Variants in CUTC observed in about 807,000 individuals in gnomAD.
The protein encoded by CUTC is cutC copper transporter.
CUTC carries 27 observed loss-of-function variants against 36.2 expected under a neutral mutation model. The observed-to-expected ratio is 0.75, with a 90% confidence interval of 0.55 to 1.03. The LOEUF is 1.03. Among genes scored for constraint, CUTC ranks in the 50% least tolerant of loss-of-function variants. The probability of loss-of-function intolerance (pLI) is 0.00; values close to 1 mark genes in which losing one functional copy is unlikely to be tolerated. For missense variants in CUTC, 315 were observed against 343.5 expected (o/e 0.92, Z 0.66); for synonymous variants, 114 against 118.3 (o/e 0.96, Z 0.24).
rs1271757648 is a variant in CUTC, at chr10:99,737,028, G to A, written c.133+711G>A. 3.3e-5 allele frequency among the ~76,000 whole-genome samples: 5 copies of A among 152,254 alleles called. No individual in the cohort carries two copies. In the East Asian group the frequency reaches 9.6e-4, roughly 29 times the overall value. On this transcript the variant is annotated intron_variant, in intron 2 of 8. Transcript: ENST00000370476. ...CTTACACCTGTAATCCCAGTAATTG[G>A]AGAGGCTGAGGCTGCCAGATCACTT...
intron 3 of CUTC, among the ~76,000 whole-genome samples, chr10:99,741,200 T>G (rs995082672): frequency 6.6e-6 from 1 of 152,200 alleles, no homozygotes; most frequent in Non-Finnish European, 1.5e-5. Context: ...GGGTCTTGCT[T>G]TTAAGATTTG....
At chr10:99,735,241 T>A (rs2037287258) in intron 1 of CUTC, among the ~76,000 whole-genome samples, 1 of 151,736 alleles carries the variant, frequency 6.6e-6, no homozygotes, top group South Asian at 2.1e-4. Context: ...TCATAACTCA[T>A]GAAGAGTTAA....
chr10:99,740,088 ATTG>A (rs528000461), intron 3 of CUTC, among the ~76,000 whole-genome samples: 46 of 152,248 alleles, frequency 3.0e-4, no homozygotes, highest in African/African-American at 8.7e-4. Context: ...TCTTTGTGCT[ATTG>A]TTGTCATATA....
chr10:99,747,555 C>G (rs1338675374), intron 6 of CUTC, 165 bp downstream of exon 6: 7 of 704,518 alleles, frequency 9.9e-6, no homozygotes, highest in Non-Finnish European at 1.6e-5. Context: ...TTCACACAAG[C>G]CTTTTTAATA....
At chr10:99,740,295 T>C (rs552449994) in intron 3 of CUTC, among the ~76,000 whole-genome samples, 2 of 152,092 alleles carry the variant, frequency 1.3e-5, no homozygotes, top group South Asian at 4.1e-4. Context: ...ATTTTCATTC[T>C]GCCTGAAGTA....
At chr10:99,735,414 A>C (rs768044576) in intron 1 of CUTC, among the ~76,000 whole-genome samples, 1 of 152,046 alleles carries the variant, frequency 6.6e-6, no homozygotes, top group East Asian at 1.9e-4. Flanking sequence ...ATCTGGAAGC[A>C]TAAGAAGGAA....
intron 3 of CUTC, among the ~76,000 whole-genome samples, chr10:99,740,401 A>G (rs1169626399): frequency 4.7e-5 from 7 of 148,170 alleles, no homozygotes; most frequent in Non-Finnish European, 1.0e-4. Context: ...TTTGAAAGGT[A>G]TTTTTGCTGG....
At chr10:99,739,676 T>TA in intron 2 of CUTC, 34 bp from the exon 3 acceptor site, 1 of 1,600,802 alleles carries the variant, frequency 6.2e-7, no homozygotes, top group Non-Finnish European at 8.5e-7. Context: ...GCTTATTTTT[T>TA]AAAAATGTGT....
At chr10:99,738,136 A>G (rs2037311798) in intron 2 of CUTC, among the ~76,000 whole-genome samples, 1 of 149,028 alleles carries the variant, frequency 6.7e-6, no homozygotes, top group Non-Finnish European at 1.5e-5. Context: ...TAAGAGCAAA[A>G]CTCCGTCTCA....
Position 99,755,625 on chromosome 10 carries a change from A to G in CUTC, c.708A>G (p.Arg236=). The change falls in exon 9 of 9, where the codon CGA becomes CGG. Residue 236 remains arginine (R), a splice_region_variant and synonymous_variant. Transcript: ENST00000370476. ...TGTTCCTTTATTATTTCTGTTACAGAAATTCATCTGTTGCCATGGGAGCCT... is the reference window on the plus strand; with the variant it reads ...TGTTCCTTTATTATTTCTGTTACAGGAATTCATCTGTTGCCATGGGAGCCT... The part of the protein sequence containing the change: ...RSTRDSGMKF[R]NSSVAMGASL... 1 of 1,597,676 alleles carries G rather than the reference A, an allele frequency of 6.3e-7. No individual in the cohort carries two copies.
intron 1 of CUTC, among the ~76,000 whole-genome samples, chr10:99,734,930 C>T (rs865783025): frequency 1.3e-5 from 2 of 151,684 alleles, no homozygotes; most frequent in African/African-American, 4.8e-5. Context: ...TGGCGAAACC[C>T]CATCTCTACA....
At chr10:99,737,901 C>G (rs1590117612) in intron 2 of CUTC, among the ~76,000 whole-genome samples, 2 of 152,280 alleles carry the variant, frequency 1.3e-5, no homozygotes, top group Non-Finnish European at 2.9e-5. Context: ...GTAATCCCAG[C>G]ACTTTGGGAG....
Position 99,739,729 on chromosome 10 carries a change from A to G in CUTC, c.153A>G (p.Leu51=), listed in dbSNP as rs773013737. 9 of 1,611,484 alleles carry G rather than the reference A, an allele frequency of 5.6e-6. No homozygotes were observed. Among genetic ancestry groups the G allele is most frequent in the Non-Finnish European group, 6.8e-6 (8 of 1,179,164 alleles). Residue 51 remains leucine (L), a synonymous_variant, in exon 3 of 9, where the codon TTA becomes TTG. Transcript: ENST00000370476. ...AERGGADRIE[L]CSGLSEGGTT... ...TTACAGGTGCTGATCGGATTGAATT[A>G]TGTTCTGGTTTATCAGAGGGGGGAA... is the stretch of plus-strand genomic sequence containing the variant.
chr10:99,733,739 C>T (rs1455847575), intron 1 of CUTC, among the ~76,000 whole-genome samples: 2 of 152,222 alleles, frequency 1.3e-5, no homozygotes, highest in South Asian at 2.1e-4. Context: ...TCTGAAAAGT[C>T]TCAGAGGCTC....
At chr10:99,749,929 A>T (rs113455110) in intron 6 of CUTC, among the ~76,000 whole-genome samples, 25 of 152,222 alleles carry the variant, frequency 1.6e-4, no homozygotes, top group Admixed American at 1.2e-3. Context: ...AGGGAGGAAA[A>T]ACTTTTCTTC....
At chr10:99,736,352 A>C (rs1229655262) in intron 2 of CUTC, 35 bp downstream of exon 2, 1 of 1,511,714 alleles carries the variant, frequency 6.6e-7, no homozygotes, top group Non-Finnish European at 9.2e-7. Flanking sequence ...ACCGTTGGCT[A>C]CCCTTTTAAG....
chr10:99,747,227 CA>C, intron 5 of CUTC, 29 bp from the exon 6 acceptor site: 1 of 1,610,992 alleles, frequency 6.2e-7, no homozygotes. Flanking sequence ...GATACCTGTT[CA>C]AAATTCACAT....
At chr10:99,749,130 G>A (rs1564657572) in intron 6 of CUTC, among the ~76,000 whole-genome samples, 1 of 152,072 alleles carries the variant, frequency 6.6e-6, no homozygotes, top group Non-Finnish European at 1.5e-5. Flanking sequence ...TAATCTATTG[G>A]TTAGTAGGAA....
At chr10:99,751,790 G>A (rs148142773) in intron 7 of CUTC, among the ~76,000 whole-genome samples, 1,668 of 152,276 alleles carry the variant, frequency 0.011, 13 homozygotes, top group Non-Finnish European at 0.018. Flanking sequence ...CCAAGGAGGC[G>A]GAGGTTGCAG....
Sources: gnomAD v4.1 joint callset for allele counts (sites outside exome capture counted in the v4.1 genomes callset) on GRCh38, gnomAD v4.1.1 for gene constraint, MANE v1.5 for transcripts, NCBI Gene and HGNC (gene_info 2026-07-23, HGNC 2026-07-21) for gene names.